PTPRD: variants seen among roughly 807,000 people sequenced by gnomAD.
PTPRD encodes receptor-type tyrosine-protein phosphatase delta.
PTPRD carries 34 observed loss-of-function variants against 214.5 expected under a neutral mutation model. The observed-to-expected ratio is 0.16, with a 90% CI of 0.12 to 0.21. PTPRD has a LOEUF of 0.21. Among genes scored for constraint, PTPRD ranks in the 10% least tolerant of loss-of-function variants. The pLI, the probability that PTPRD is intolerant of heterozygous loss-of-function variation, is 1.00. For synonymous variants in PTPRD, 1,128 were observed against 845.7 expected (o/e 1.33, Z -5.79); for missense variants, 2,545 against 2,398.7 (o/e 1.06, Z -1.27).
At chr9:9,067,611 T>C (rs2099736861) in intron 10 of PTPRD, among the ~76,000 whole-genome samples, 1 of 152,228 alleles carries the variant, frequency 6.6e-6, no homozygotes, top group African/African-American at 2.4e-5. Flanking sequence ...GGTTATTTAC[T>C]GTAAAACTTT....
At chr9:9,889,959 C>T (rs2072653613) in intron 5 of PTPRD, among the ~76,000 whole-genome samples, 1 of 152,002 alleles carries the variant, frequency 6.6e-6, no homozygotes, top group South Asian at 2.1e-4. Context: ...TATCAGCAAT[C>T]TGGCTAGCAG....
chr9:10,524,461 A>G (rs995486244), intron 2 of PTPRD, among the ~76,000 whole-genome samples: 4 of 152,240 alleles, frequency 2.6e-5, no homozygotes, highest in South Asian at 4.1e-4. Flanking sequence ...ACTTAATAAA[A>G]TAGGAAAATG....
intron 5 of PTPRD, among the ~76,000 whole-genome samples, chr9:9,922,075 A>G (rs1412976065): frequency 6.6e-6 from 1 of 152,144 alleles, no homozygotes; most frequent in Admixed American, 6.6e-5. Context: ...AGTACTGCCT[A>G]TATGCCCACA....
chr9:8,775,333 G>T (rs1414936712), intron 11 of PTPRD, among the ~76,000 whole-genome samples: 1 of 152,060 alleles, frequency 6.6e-6, no homozygotes, highest in Admixed American at 6.5e-5. Context: ...AAGCTTTCAT[G>T]CTTCCTGAGG....
At chr9:9,352,561 C>A (rs1339763594) in intron 9 of PTPRD, among the ~76,000 whole-genome samples, 1 of 151,762 alleles carries the variant, frequency 6.6e-6, no homozygotes, top group East Asian at 1.9e-4. Flanking sequence ...CACTCTGTTG[C>A]CTTCACACAA....
chr9:8,845,869 A>G (rs1355089294), intron 11 of PTPRD, among the ~76,000 whole-genome samples: 2 of 152,202 alleles, frequency 1.3e-5, no homozygotes, highest in Non-Finnish European at 2.9e-5. Context: ...AGTCTCTGTT[A>G]GGGCGGTCAT....
At chr9:9,514,413 G>C (rs2096785273) in intron 8 of PTPRD, among the ~76,000 whole-genome samples, 1 of 152,074 alleles carries the variant, frequency 6.6e-6, no homozygotes, top group African/African-American at 2.4e-5. Flanking sequence ...ACACTAAACA[G>C]AAAGATGAAG....
intron 7 of PTPRD, among the ~76,000 whole-genome samples, chr9:9,660,995 T>C (rs143217122): frequency 1.7e-3 from 254 of 152,112 alleles, no homozygotes; most frequent in African/African-American, 5.6e-3. Context: ...TAACGCTTTA[T>C]TCAGGTAATG....
intron 7 of PTPRD, among the ~76,000 whole-genome samples, chr9:9,608,921 G>A (rs888960275): frequency 3.3e-5 from 5 of 151,910 alleles, no homozygotes; most frequent in African/African-American, 9.7e-5. Flanking sequence ...TTCTTTATTC[G>A]GAGGGAAAAA....
chr9:9,907,695 T>G (rs1422561964), intron 5 of PTPRD, among the ~76,000 whole-genome samples: 1 of 151,922 alleles, frequency 6.6e-6, no homozygotes, highest in Non-Finnish European at 1.5e-5. Flanking sequence ...CCCATAAAAG[T>G]GAACACTAAC....
At chr9:8,922,128 A>C (rs2154270699) in intron 11 of PTPRD, among the ~76,000 whole-genome samples, 1 of 152,330 alleles carries the variant, frequency 6.6e-6, no homozygotes, top group South Asian at 2.1e-4. Context: ...GTTAATACTT[A>C]TTAAAAGGAT....
chr9:8,700,263 C>G (rs1475126844), intron 12 of PTPRD, among the ~76,000 whole-genome samples: 1 of 152,166 alleles, frequency 6.6e-6, no homozygotes, highest in African/African-American at 2.4e-5. Flanking sequence ...AAAAATGCAT[C>G]TAAATTATTA....
chr9:8,888,296 G>T (rs1203587117), intron 11 of PTPRD, among the ~76,000 whole-genome samples: 1 of 152,032 alleles, frequency 6.6e-6, no homozygotes, highest in Non-Finnish European at 1.5e-5. Flanking sequence ...CATTTACATG[G>T]CTATTTATAG....
At chr9:9,493,280 A>G (rs1441214974) in intron 8 of PTPRD, among the ~76,000 whole-genome samples, 1 of 152,142 alleles carries the variant, frequency 6.6e-6, no homozygotes, top group Non-Finnish European at 1.5e-5. Context: ...ACACTGTAGT[A>G]CCAAATTTTT....
chr9:10,583,308 T>C (rs888407300), intron 2 of PTPRD, among the ~76,000 whole-genome samples: 3 of 151,962 alleles, frequency 2.0e-5, no homozygotes, highest in Admixed American at 2.0e-4. Context: ...TGAGATGGTA[T>C]GCTTTTCTGT....
chr9:10,378,299 A>C (rs180697420), intron 2 of PTPRD, among the ~76,000 whole-genome samples: 2 of 152,074 alleles, frequency 1.3e-5, no homozygotes, highest in Non-Finnish European at 2.9e-5. Context: ...CCTCGGCTGC[A>C]CAGAAGCTTT....
chr9:9,413,575 C>A (rs1447192675), intron 8 of PTPRD, among the ~76,000 whole-genome samples: 2 of 152,046 alleles, frequency 1.3e-5, no homozygotes, highest in African/African-American at 4.8e-5. Context: ...ACAAAGAAAA[C>A]CAAACTAGAA....
At chr9:9,971,721 G>T (rs530287032) in intron 4 of PTPRD, among the ~76,000 whole-genome samples, 6 of 152,112 alleles carry the variant, frequency 3.9e-5, no homozygotes, top group Non-Finnish European at 8.8e-5. Context: ...CTGCTGTCAT[G>T]ATTTATTTAG....
intron 4 of PTPRD, among the ~76,000 whole-genome samples, chr9:9,964,255 T>C (rs993202346): frequency 6.6e-6 from 1 of 152,216 alleles, no homozygotes; most frequent in Non-Finnish European, 1.5e-5. Flanking sequence ...CTATCAAATA[T>C]TTAACCGCTA....
Sources: gnomAD v4.1 joint callset for allele counts (sites outside exome capture counted in the v4.1 genomes callset) on GRCh38, gnomAD v4.1.1 for gene constraint, MANE v1.5 for transcripts, NCBI Gene and HGNC (gene_info 2026-07-23, HGNC 2026-07-21) for gene names.